SLC10A1: variants seen among roughly 807,000 people sequenced by gnomAD.
The protein encoded by SLC10A1 is hepatic sodium/bile acid cotransporter.
Under a neutral mutation model 20.5 loss-of-function variants are expected in SLC10A1, and 36 were observed. The observed-to-expected ratio is 1.75, with a 90% CI of 1.34 to 2.32. SLC10A1 has a LOEUF of 2.32. Among genes scored for constraint, SLC10A1 ranks in the 30% most tolerant of loss-of-function variants. The probability of loss-of-function intolerance (pLI) is 0.00; values close to 1 mark genes in which losing one functional copy is unlikely to be tolerated. For missense variants in SLC10A1, 545 were observed against 439.1 expected (o/e 1.24, Z -2.16); for synonymous variants, 188 against 163.6 (o/e 1.15, Z -1.14).
Position 69,796,915 on chromosome 14 carries a change from T to A in SLC10A1, c.241A>T (p.Lys81Ter). Reference protein sequence around the residue: ...IMPLTAFVLGKVFRLKNIEAL... With the variant: ...IMPLTAFVLG The stretch of plus-strand genomic sequence containing the variant: ...TCAATGTTCTTCAGCCGGAAGACCT[T>A]GCCCAGCACAAAGGCCGTGAGGGGC... The change falls in exon 1 of 5, where the codon AAG becomes TAG. Residue 81 changes from lysine (K) to a stop codon, truncating the protein, a stop_gained. Coordinates refer to ENST00000216540, the MANE Select transcript of SLC10A1 (RefSeq NM_003049.4). LOFTEE classifies it high-confidence loss of function. The A allele has an allele frequency of 6.2e-7, 1 of 1,614,200 alleles. No individual in the cohort carries two copies. Among genetic ancestry groups the A allele is most frequent in the Non-Finnish European group, 8.5e-7 (1 of 1,180,008 alleles).
chr14:69,791,020 A>G (rs911909894), intron 1 of SLC10A1, among the ~76,000 whole-genome samples: 1 of 152,122 alleles, frequency 6.6e-6, no homozygotes, highest in Non-Finnish European at 1.5e-5. Context: ...CATTTATGAT[A>G]TTCACAAAAC....
At position 69,779,342 on chromosome 14, in the gene SLC10A1, GAA is replaced by G; in HGVS notation, c.584_585del (p.Ile195ThrfsTer82). ...ACTGTGACGGCCACACTGCACAAGA[GAA>G]TGATGATCATCCCTCCCTGGGAATG... is the stretch of plus-strand genomic sequence containing the variant. Reference protein sequence around the residue: ...RYVIKGGMIIILLCSVAVTVL... With the variant: ...RYVIKGGMIIXLLCSVAVTVL... On this transcript the variant is annotated frameshift_variant, in exon 3 of 5. Transcript: ENST00000216540. LOFTEE classifies it high-confidence loss of function. The G allele has an allele frequency of 1.9e-6, 3 of 1,611,538 alleles. No individual in the cohort carries two copies. Among genetic ancestry groups the G allele is most frequent in the South Asian group, 1.1e-5 (1 of 90,908 alleles).
At chr14:69,787,495 CCCT>C (rs1883748418) in intron 1 of SLC10A1, among the ~76,000 whole-genome samples, 1 of 81,418 alleles carries the variant, frequency 1.2e-5, no homozygotes, top group Non-Finnish European at 2.9e-5. Flanking sequence ...CACAGCCCTA[CCCT>C]CCATCTACAC....
rs147575974 is a variant in SLC10A1, at chr14:69,784,008, C to T, written c.567+2089G>A. On this transcript the variant is annotated intron_variant, in intron 2 of 4. Coordinates refer to ENST00000216540, the MANE Select transcript of SLC10A1 (RefSeq NM_003049.4). ...CTGAGGTATATTCAGATAGAAAGAC[C>T]TGGTAGATAATAAATGGATTCTGGA... Among the ~76,000 whole-genome samples the T allele has an allele frequency of 1.9e-4, 29 of 152,138 alleles. No individual in the cohort carries two copies. In the East Asian group the frequency reaches 5.4e-3, roughly 28 times the overall value.
At chr14:69,789,917 T>TTTG (rs1287397159) in intron 1 of SLC10A1, among the ~76,000 whole-genome samples, 19 of 151,520 alleles carry the variant, frequency 1.3e-4, no homozygotes, top group African/African-American at 4.4e-4. Flanking sequence ...AAATAGGGTT[T>TTTG]TTTTTTTTTC....
At chr14:69,777,508 GTACT>G (rs999939600) in intron 4 of SLC10A1, among the ~76,000 whole-genome samples, 3 of 151,124 alleles carry the variant, frequency 2.0e-5, no homozygotes, top group African/African-American at 7.3e-5. Flanking sequence ...ATTTGGGTAG[GTACT>G]TAGGAAGAAT....
In SLC10A1 at chr14:69,793,941, T is replaced by C. The variant is rs539102870; in HGVS notation, c.356+2859A>G. ...GAGGGAGCTGCCGTCCCTGGCTGCATTGAGGGGTCTGCTTGGTGGCCTGGC... is the reference window on the plus strand; with the variant it reads ...GAGGGAGCTGCCGTCCCTGGCTGCACTGAGGGGTCTGCTTGGTGGCCTGGC... On this transcript the variant is annotated intron_variant, in intron 1 of 4. Coordinates refer to ENST00000216540, the MANE Select transcript of SLC10A1 (RefSeq NM_003049.4). Among the ~76,000 whole-genome samples, 3 of 152,320 alleles carry C rather than the reference T, an allele frequency of 2.0e-5. No homozygotes were observed. The East Asian group carries it at 5.8e-4, about 29-fold the overall frequency.
At position 69,779,285 on chromosome 14, in the gene SLC10A1, T is replaced by C. The variant is rs1331486323; in HGVS notation, c.643A>G (p.Met215Val). The change falls in exon 3 of 5, where the codon ATG (methionine) becomes GTG (valine). Residue 215 changes from methionine to valine, a missense_variant. Physicochemically the swap from Met to Val is conservative, Grantham distance 21 (BLOSUM62 1). Coordinates refer to ENST00000216540, the MANE Select transcript of SLC10A1 (RefSeq NM_003049.4). ...LSAINVGKSI[M>V]FAMTPLLIAT... is the part of the protein sequence containing the mutation. ...ATCAAGAGTGGTGTCATGGCAAACA[T>C]GATGCTCTTCCCCACATTGATGGCA... 1.2e-6 allele frequency: 2 copies of C among 1,613,690 alleles called. No individual in the cohort carries two copies. The highest frequency in any genetic ancestry group is 1.7e-6 in the Non-Finnish European group (2 of 1,179,886).
chr14:69,781,293 A>G (rs2139712902), intron 2 of SLC10A1, among the ~76,000 whole-genome samples: 1 of 152,316 alleles, frequency 6.6e-6, no homozygotes, highest in South Asian at 2.1e-4. Flanking sequence ...GGCCCCGGGT[A>G]GTTGCTTCTC....
chr14:69,796,491 G>T (rs1464662842), intron 1 of SLC10A1, among the ~76,000 whole-genome samples: 1 of 152,160 alleles, frequency 6.6e-6, no homozygotes, highest in African/African-American at 2.4e-5. Context: ...GTTCTCCAGA[G>T]GTTCCTTTGG....
At chr14:69,786,409 T>C in intron 1 of SLC10A1, 102 bp from the exon 2 acceptor site, 3 of 870,318 alleles carry the variant, frequency 3.4e-6, no homozygotes, top group East Asian at 2.6e-5. Context: ...GCTTGACATA[T>C]GTGGCTTCAG....
chr14:69,796,455 C>T (rs1425871786), intron 1 of SLC10A1, among the ~76,000 whole-genome samples: 2 of 152,188 alleles, frequency 1.3e-5, no homozygotes, highest in Non-Finnish European at 2.9e-5. Context: ...AAGCAGGCAA[C>T]TTGTCCACTG....
At chr14:69,781,679 G>C (rs1205701066) in intron 2 of SLC10A1, among the ~76,000 whole-genome samples, 1 of 152,234 alleles carries the variant, frequency 6.6e-6, no homozygotes, top group Non-Finnish European at 1.5e-5. Context: ...TTATTAAAGA[G>C]TGGTGGATGG....
chr14:69,784,706 A>G (rs1883671782), intron 2 of SLC10A1, among the ~76,000 whole-genome samples: 1 of 152,178 alleles, frequency 6.6e-6, no homozygotes, highest in African/African-American at 2.4e-5. Context: ...GAACCAATAC[A>G]GAGATATTTT....
At chr14:69,795,942 A>G (rs1882379432) in intron 1 of SLC10A1, among the ~76,000 whole-genome samples, 1 of 152,204 alleles carries the variant, frequency 6.6e-6, no homozygotes, top group Non-Finnish European at 1.5e-5. Context: ...CACTGAAAGC[A>G]AGAGCTTCTG....
At position 69,775,434 on chromosome 14, in the gene SLC10A1, AATTTT is replaced by A. The variant is rs1380834140; in HGVS notation, c.*843_*847del. The A allele has an allele frequency of 6.6e-6, 1 of 152,222 alleles. No homozygotes were observed. Among genetic ancestry groups the A allele is most frequent in the Admixed American group, 6.5e-5 (1 of 15,284 alleles). The allele number at this position is 152,222 out of a possible 1,614,324, so 9.4% of individuals were successfully genotyped here. The stretch of plus-strand genomic sequence containing the variant: ...TTACATATGATATGCAAAATGTTTA[AATTTT>A]ATTAGAGACAATTTGAAATTTGTGA... On this transcript the variant is annotated 3_prime_UTR_variant, in exon 5 of 5. Coordinates refer to ENST00000216540, the MANE Select transcript of SLC10A1 (RefSeq NM_003049.4).
chr14:69,776,024 G>A lies in SLC10A1; in HGVS notation c.*258C>T, dbSNP rs201980411. Reference sequence around the variant, plus strand: ...AGAGATCCCAGCAAGAGGCAGATTCGGTTTCTGGTTTCATAGAGTTTACAG... The same window carrying A: ...AGAGATCCCAGCAAGAGGCAGATTCAGTTTCTGGTTTCATAGAGTTTACAG... On this transcript the variant is annotated 3_prime_UTR_variant, in exon 5 of 5. Coordinates refer to ENST00000216540, the MANE Select transcript of SLC10A1 (RefSeq NM_003049.4). 4.5e-6 allele frequency: 2 copies of A among 440,270 alleles called. No individual in the cohort carries two copies. The highest frequency in any genetic ancestry group is 8.1e-6 in the Non-Finnish European group (2 of 247,160). 27.3% of individuals were successfully genotyped at this position (440,270 alleles called of 1,614,324 possible). A position where few individuals can be genotyped will look rare whatever the true frequency, so the allele number is the denominator to read the frequency against.
chr14:69,795,837 C>A (rs1882377409), intron 1 of SLC10A1, among the ~76,000 whole-genome samples: 1 of 152,142 alleles, frequency 6.6e-6, no homozygotes, highest in Non-Finnish European at 1.5e-5. Flanking sequence ...CAGACACAAG[C>A]AGATGGACTT....
chr14:69,781,982 A>G (rs1311360557), intron 2 of SLC10A1, among the ~76,000 whole-genome samples: 2 of 152,216 alleles, frequency 1.3e-5, no homozygotes, highest in African/African-American at 4.8e-5. Flanking sequence ...AGAGGCTAGG[A>G]CAATCATTTG....
Sources: gnomAD v4.1 joint callset for allele counts (sites outside exome capture counted in the v4.1 genomes callset) on GRCh38, gnomAD v4.1.1 for gene constraint, MANE v1.5 for transcripts, NCBI Gene and HGNC (gene_info 2026-07-23, HGNC 2026-07-21) for gene names.